ADAM18: variants seen among roughly 807,000 people sequenced by gnomAD.
The protein encoded by ADAM18 is disintegrin and metalloproteinase domain-containing protein 18.
ADAM18 carries 117 observed loss-of-function variants against 94.4 expected under a neutral mutation model. That is an observed-to-expected ratio of 1.24 (90% CI 1.07 to 1.45). ADAM18 has a LOEUF of 1.45. ADAM18 is among the 40% of genes most tolerant of loss of function. The probability of loss-of-function intolerance (pLI) is 0.00; values close to 1 mark genes in which losing one functional copy is unlikely to be tolerated. For synonymous variants in ADAM18, 327 were observed against 291.6 expected (o/e 1.12, Z -1.24); for missense variants, 936 against 880.0 (o/e 1.06, Z -0.81).
In ADAM18 at chr8:39,723,883, A is replaced by C. The variant is rs758316958; in HGVS notation, c.2153A>C (p.Asn718Thr). 1 of 1,555,040 alleles carries C rather than the reference A, an allele frequency of 6.4e-7. No homozygotes were observed. Among genetic ancestry groups the C allele is most frequent in the Non-Finnish European group, 8.7e-7 (1 of 1,148,100 alleles). Residue 718 changes from asparagine to threonine, a missense_variant, in exon 19 of 20, where the codon AAC becomes ACC. Physicochemically the swap from Asn to Thr is moderately conservative, Grantham distance 65 (BLOSUM62 0). Coordinates refer to ENST00000265707, the MANE Select transcript of ADAM18 (RefSeq NM_014237.3). Reference protein sequence around the residue: ...FKRNEISKSCNRENAEYNRNS... With the variant: ...FKRNEISKSCTRENAEYNRNS... ...AGAAATGAAATAAGTAAATCATGTA[A>C]CAGAGAGAATGCAGAGTATAATCGG...
Position 39,635,511 on chromosome 8 carries a change from TAA to T in ADAM18, c.589-1752_589-1751del, listed in dbSNP as rs139116566. ...TAAAGATTCTTTTCACAACTTCTCC[TAA>T]GTTAACTTCTTATATAATCATAATA... On this transcript the variant is annotated intron_variant, in intron 7 of 19. Transcript: ENST00000265707. Among the ~76,000 whole-genome samples the T allele has an allele frequency of 7.8e-3, 1,191 of 152,332 alleles. 4 individuals carry two copies. The highest frequency in any genetic ancestry group is 0.012 in the Non-Finnish European group (802 of 68,020).
chr8:39,727,944 C>T (rs1370501792), intron 19 of ADAM18, among the ~76,000 whole-genome samples: 1 of 152,164 alleles, frequency 6.6e-6, no homozygotes, highest in African/African-American at 2.4e-5. Flanking sequence ...CACAGTTCTG[C>T]AGGCTTTACA....
At position 39,606,293 on chromosome 8, in the gene ADAM18, G is replaced by T; in HGVS notation, c.133-14G>T. On this transcript the variant is annotated splice_polypyrimidine_tract_variant and intron_variant, in intron 2 of 19. Coordinates refer to ENST00000265707, the MANE Select transcript of ADAM18 (RefSeq NM_014237.3). Reference sequence around the variant, plus strand: ...GGTTTCCTTCACAATCTTTACTGATGTGTTTTATTTTAGATGATTTACATC... The same window carrying T: ...GGTTTCCTTCACAATCTTTACTGATTTGTTTTATTTTAGATGATTTACATC... 1 of 1,441,770 alleles carries T rather than the reference G, an allele frequency of 6.9e-7. No homozygotes were observed. Among genetic ancestry groups the T allele is most frequent in the South Asian group, 1.3e-5 (1 of 77,970 alleles). 89.3% of individuals were successfully genotyped at this position (1,441,770 alleles called of 1,614,324 possible).
intron 12 of ADAM18, among the ~76,000 whole-genome samples, chr8:39,662,446 T>C (rs1820867159): frequency 6.6e-6 from 1 of 152,114 alleles, no homozygotes; most frequent in Non-Finnish European, 1.5e-5. Flanking sequence ...AAATGGAAAT[T>C]TCAAAATTAA....
chr8:39,641,881 T>A (rs1820248968), intron 10 of ADAM18, among the ~76,000 whole-genome samples: 1 of 152,116 alleles, frequency 6.6e-6, no homozygotes, highest in Non-Finnish European at 1.5e-5. Context: ...CCACCTGCAG[T>A]GTATAAGTGT....
chr8:39,693,732 A>G (rs1410863617), intron 17 of ADAM18, among the ~76,000 whole-genome samples: 1 of 151,230 alleles, frequency 6.6e-6, no homozygotes, highest in Non-Finnish European at 1.5e-5. Context: ...TCATAAAGGA[A>G]ATACATAAGG....
At chr8:39,705,243 C>CT (rs1442892864) in intron 17 of ADAM18, among the ~76,000 whole-genome samples, 1 of 151,986 alleles carries the variant, frequency 6.6e-6, no homozygotes, top group Non-Finnish European at 1.5e-5. Flanking sequence ...GCTTGTTTTT[C>CT]TTTTTTCTCT....
intron 17 of ADAM18, among the ~76,000 whole-genome samples, chr8:39,696,515 G>C (rs1821932897): frequency 6.6e-6 from 1 of 151,262 alleles, no homozygotes; most frequent in African/African-American, 2.4e-5. Flanking sequence ...TCTTCCTTCA[G>C]TTAGATCTTT....
intron 16 of ADAM18, among the ~76,000 whole-genome samples, chr8:39,691,609 G>C (rs1393653207): frequency 6.6e-6 from 1 of 152,002 alleles, no homozygotes; most frequent in Non-Finnish European, 1.5e-5. Flanking sequence ...AATGGATAAA[G>C]AAAATGTGGT....
At chr8:39,681,035 G>T (rs1431410715) in intron 16 of ADAM18, among the ~76,000 whole-genome samples, 1 of 152,176 alleles carries the variant, frequency 6.6e-6, no homozygotes, top group Non-Finnish European at 1.5e-5. Flanking sequence ...ATTCCTTTGT[G>T]TAATCCCTTC....
chr8:39,615,636 T>C (rs4637788), intron 6 of ADAM18, among the ~76,000 whole-genome samples: 138,613 of 152,212 alleles, frequency 0.91, 63,288 homozygotes, highest in Middle Eastern at 0.98. Flanking sequence ...GAAGCATTCC[T>C]CTTAAGAACC....
chr8:39,678,517 C>A (rs1030318994), intron 15 of ADAM18, among the ~76,000 whole-genome samples: 1 of 152,166 alleles, frequency 6.6e-6, no homozygotes, highest in East Asian at 1.9e-4. Context: ...GAGTGGGGAT[C>A]TCAGGAGGAG....
intron 6 of ADAM18, among the ~76,000 whole-genome samples, chr8:39,611,851 C>A (rs547879949): frequency 1.3e-5 from 2 of 152,182 alleles, no homozygotes; most frequent in Non-Finnish European, 2.9e-5. Context: ...CCTGCTAAGA[C>A]TATATGATGT....
intron 6 of ADAM18, among the ~76,000 whole-genome samples, chr8:39,616,082 T>C (rs1386039705): frequency 6.6e-6 from 1 of 152,148 alleles, no homozygotes; most frequent in Non-Finnish European, 1.5e-5. Context: ...AAATATTTTA[T>C]GCCCATGGTT....
At chr8:39,614,078 T>C (rs1819362022) in intron 6 of ADAM18, among the ~76,000 whole-genome samples, 1 of 152,162 alleles carries the variant, frequency 6.6e-6, no homozygotes, top group African/African-American at 2.4e-5. Context: ...ACAAAATATT[T>C]CCAAACTTTA....
chr8:39,662,373 A>G (rs1464300475), intron 12 of ADAM18, among the ~76,000 whole-genome samples: 1 of 152,144 alleles, frequency 6.6e-6, no homozygotes, highest in East Asian at 1.9e-4. Context: ...TCTATATTTT[A>G]TATATTATTT....
intron 6 of ADAM18, among the ~76,000 whole-genome samples, chr8:39,628,977 C>T (rs1344934258): frequency 1.3e-5 from 2 of 151,962 alleles, no homozygotes; most frequent in Non-Finnish European, 1.5e-5. Context: ...ACTATGAGTT[C>T]TCAAATATTT....
chr8:39,641,795 C>T (rs2129579415), intron 10 of ADAM18, among the ~76,000 whole-genome samples: 1 of 152,142 alleles, frequency 6.6e-6, no homozygotes, highest in East Asian at 1.9e-4. Context: ...ATTTCTGGGT[C>T]TAATAGTATT....
At chr8:39,601,016 A>C (rs2129458290) in intron 2 of ADAM18, among the ~76,000 whole-genome samples, 1 of 152,314 alleles carries the variant, frequency 6.6e-6, no homozygotes, top group African/African-American at 2.4e-5. Context: ...CTCAGGAAAC[A>C]TTCAGTCATG....
Sources: allele counts gnomAD v4.1 joint callset (sites outside exome capture counted in the v4.1 genomes callset), GRCh38; gene constraint gnomAD v4.1.1; transcripts MANE v1.5; gene names NCBI Gene and HGNC (gene_info 2026-07-23, HGNC 2026-07-21).